Variants in ADAMTSL3 observed in about 807,000 individuals in gnomAD.
ADAMTSL3 encodes ADAMTS like 3, also known as ADAMTS-like protein 3.
A neutral mutation model predicts 201.7 loss-of-function variants in ADAMTSL3; 128 were observed. The ratio of observed to expected loss-of-function variants is 0.63; its 90% CI spans 0.55 to 0.73. ADAMTSL3 has a LOEUF of 0.73. Among genes scored for constraint, ADAMTSL3 ranks in the 30% least tolerant of loss-of-function variants. ADAMTSL3 has a pLI of 0.00. For synonymous variants in ADAMTSL3, 738 were observed against 748.4 expected (o/e 0.99, Z 0.23); for missense variants, 1,990 against 2,119.6 (o/e 0.94, Z 1.20).
Position 83,836,445 on chromosome 15 carries a change from T to C in ADAMTSL3, c.601-1644T>C, listed in dbSNP as rs112688997. Among the ~76,000 whole-genome samples the C allele has an allele frequency of 7.5e-3, 1,146 of 152,312 alleles. 11 individuals carry two copies. The highest frequency in any genetic ancestry group is 0.025 in the African/African-American group (1,060 of 41,574). ...TGAAACTTACTATCTCTCCCTGAAA[T>C]TTTCACTTGATCTTTCTCTTTCCCT... On this transcript the variant is annotated intron_variant, in intron 6 of 29. Coordinates refer to ENST00000286744, the MANE Select transcript of ADAMTSL3 (RefSeq NM_207517.3).
intron 4 of ADAMTSL3, among the ~76,000 whole-genome samples, chr15:83,794,006 G>A (rs1036703824): frequency 1.3e-5 from 2 of 152,092 alleles, no homozygotes; most frequent in East Asian, 1.9e-4. Flanking sequence ...CAAAGGACAC[G>A]AATGGATATT....
chr15:83,811,763 A>C (rs532708734), intron 5 of ADAMTSL3, among the ~76,000 whole-genome samples: 18 of 152,234 alleles, frequency 1.2e-4, no homozygotes, highest in Non-Finnish European at 2.4e-4. Context: ...GAATCCTTAG[A>C]GAGTCCTAAG....
chr15:83,907,114 A>G (rs1404717251), intron 15 of ADAMTSL3, among the ~76,000 whole-genome samples: 1 of 131,924 alleles, frequency 7.6e-6, no homozygotes, highest in East Asian at 2.3e-4. Flanking sequence ...AAAAAAAAAA[A>G]AAGAGAGAGT....
At position 83,738,320 on chromosome 15, in the gene ADAMTSL3, C is replaced by A. The variant is rs145159893; in HGVS notation, c.189+33812C>A. Among the ~76,000 whole-genome samples, 1,099 of 152,166 alleles carry A rather than the reference C, an allele frequency of 7.2e-3. 5 individuals carry two copies. The highest frequency in any genetic ancestry group is 0.014 in the Middle Eastern group (4 of 294). On this transcript the variant is annotated intron_variant, in intron 3 of 29. Coordinates refer to ENST00000286744, the MANE Select transcript of ADAMTSL3 (RefSeq NM_207517.3). Reference sequence around the variant, plus strand: ...CAGTAGGTTTCTCCTCAGAGGAAGCCAATGTTATTAATTCTTGGGTCTCCT... The same window carrying A: ...CAGTAGGTTTCTCCTCAGAGGAAGCAAATGTTATTAATTCTTGGGTCTCCT...
intron 23 of ADAMTSL3, among the ~76,000 whole-genome samples, 199 bp downstream of exon 23, chr15:83,991,413 A>G (rs756549139): frequency 5.9e-5 from 9 of 152,230 alleles, no homozygotes; most frequent in Non-Finnish European, 1.0e-4. Flanking sequence ...ACCGATGTAT[A>G]AAACAGAATG....
chr15:83,891,727 A>G (rs371560685), intron 12 of ADAMTSL3, among the ~76,000 whole-genome samples: 1 of 152,170 alleles, frequency 6.6e-6, no homozygotes, highest in East Asian at 1.9e-4. Flanking sequence ...TGATTCTCTA[A>G]TAATATTGTC....
chr15:83,890,066 G>A, intron 10 of ADAMTSL3, 43 bp from the exon 11 acceptor site: 1 of 1,569,386 alleles, frequency 6.4e-7, no homozygotes, highest in East Asian at 2.3e-5. Context: ...AAGTAAAAAT[G>A]AAACGGATGC....
intron 2 of ADAMTSL3, among the ~76,000 whole-genome samples, chr15:83,668,213 A>C (rs1157683040): frequency 1.3e-5 from 2 of 152,206 alleles, no homozygotes; most frequent in African/African-American, 2.4e-5. Context: ...ATGATGACAA[A>C]GGAGGCCCAA....
At chr15:83,703,622 G>A (rs1166787874) in intron 2 of ADAMTSL3, among the ~76,000 whole-genome samples, 1 of 152,114 alleles carries the variant, frequency 6.6e-6, no homozygotes, top group African/African-American at 2.4e-5. Context: ...CGTCATGTCG[G>A]AAGTGCCTTT....
intron 3 of ADAMTSL3, among the ~76,000 whole-genome samples, chr15:83,758,867 C>G (rs927964502): frequency 6.6e-6 from 1 of 152,110 alleles, no homozygotes; most frequent in Non-Finnish European, 1.5e-5. Flanking sequence ...TACCTTTTCA[C>G]TCTGTTAATA....
chr15:83,729,711 C>G (rs1183027283), intron 3 of ADAMTSL3, among the ~76,000 whole-genome samples: 1 of 151,992 alleles, frequency 6.6e-6, no homozygotes, highest in African/African-American at 2.4e-5. Flanking sequence ...TTTGAATTCT[C>G]TGTTTGAAAG....
At chr15:83,686,245 T>G (rs1276674365) in intron 2 of ADAMTSL3, among the ~76,000 whole-genome samples, 11 of 152,194 alleles carry the variant, frequency 7.2e-5, no homozygotes, top group Non-Finnish European at 1.5e-5. Flanking sequence ...TGCATTTCAC[T>G]TACTCCTGAA....
At chr15:83,655,963 T>A (rs2061077654) in intron 2 of ADAMTSL3, 133 bp downstream of exon 2, 1 of 954,670 alleles carries the variant, frequency 1.0e-6, no homozygotes. Flanking sequence ...TTCTTTCCTA[T>A]CTCTAGCCAA....
At chr15:83,737,649 G>A (rs921005048) in intron 3 of ADAMTSL3, among the ~76,000 whole-genome samples, 26 of 152,128 alleles carry the variant, frequency 1.7e-4, no homozygotes, top group African/African-American at 5.6e-4. Context: ...GTGTGAGAAT[G>A]GACTAATACA....
chr15:83,973,531 G>A (rs553841216), intron 20 of ADAMTSL3, among the ~76,000 whole-genome samples: 3 of 152,216 alleles, frequency 2.0e-5, no homozygotes, highest in East Asian at 1.9e-4. Flanking sequence ...TAATATCACC[G>A]TGCTAATTTG....
chr15:83,914,301 C>G (rs1325642487), intron 16 of ADAMTSL3, among the ~76,000 whole-genome samples: 1 of 152,206 alleles, frequency 6.6e-6, no homozygotes, highest in East Asian at 1.9e-4. Context: ...GAGCCCATTA[C>G]TTGAAACTCC....
chr15:83,826,227 T>G (rs576402747), intron 6 of ADAMTSL3, among the ~76,000 whole-genome samples: 23 of 152,234 alleles, frequency 1.5e-4, no homozygotes, highest in African/African-American at 4.6e-4. Flanking sequence ...CAACCTAGTC[T>G]GCACTCCACC....
chr15:83,821,447 A>T (rs1382182963), intron 6 of ADAMTSL3, among the ~76,000 whole-genome samples: 2 of 151,456 alleles, frequency 1.3e-5, no homozygotes, highest in Non-Finnish European at 2.9e-5. Flanking sequence ...GATGACTCTT[A>T]ACGAGCATGC....
intron 4 of ADAMTSL3, among the ~76,000 whole-genome samples, chr15:83,778,168 G>A (rs2063112076): frequency 6.6e-6 from 1 of 152,130 alleles, no homozygotes; most frequent in African/African-American, 2.4e-5. Context: ...AAAAGAGGGG[G>A]ATAATGGAAC....
Sources: allele counts gnomAD v4.1 joint callset (sites outside exome capture counted in the v4.1 genomes callset), GRCh38; gene constraint gnomAD v4.1.1; transcripts MANE v1.5; gene names NCBI Gene and HGNC (gene_info 2026-07-23, HGNC 2026-07-21).